The following KCTD16 variants were observed in gnomAD, a reference collection of about 807,000 sequenced individuals.
The protein encoded by KCTD16 is BTB/POZ domain-containing protein KCTD16.
A neutral mutation model predicts 33.2 loss-of-function variants in KCTD16; 13 were observed. The ratio of observed to expected loss-of-function variants is 0.39; its 90% CI spans 0.25 to 0.62. The LOEUF (loss-of-function observed/expected upper bound fraction) is 0.62. Among genes scored for constraint, KCTD16 ranks in the 20% least tolerant of loss-of-function variants. The pLI, the probability that KCTD16 is intolerant of heterozygous loss-of-function variation, is 0.50. For missense variants in KCTD16, 441 were observed against 525.1 expected, an observed-to-expected ratio of 0.84 and a Z score of 1.57; for synonymous variants, 197 against 195.3, an observed-to-expected ratio of 1.01 and a Z score of -0.07.
At chr5:144,343,857 C>T (rs1205588649) in intron 3 of KCTD16, among the ~76,000 whole-genome samples, 1 of 152,162 alleles carries the variant, frequency 6.6e-6, no homozygotes, top group Non-Finnish European at 1.5e-5. Flanking sequence ...CATTCAGGTG[C>T]ATTTGTTTAG....
At chr5:144,190,392 C>T (rs894530749) in intron 2 of KCTD16, among the ~76,000 whole-genome samples, 9 of 152,122 alleles carry the variant, frequency 5.9e-5, no homozygotes, top group African/African-American at 1.7e-4. Context: ...TCTCTCCTTC[C>T]GTTCTCTCTC....
intron 3 of KCTD16, among the ~76,000 whole-genome samples, chr5:144,212,738 C>T (rs1383213796): frequency 3.3e-5 from 5 of 152,166 alleles, no homozygotes; most frequent in Non-Finnish European, 5.9e-5. Context: ...TCTTTTGCCT[C>T]TGCGATGGCT....
chr5:144,326,986 C>A (rs1752222946), intron 3 of KCTD16, among the ~76,000 whole-genome samples: 1 of 152,026 alleles, frequency 6.6e-6, no homozygotes, highest in South Asian at 2.1e-4. Flanking sequence ...GAGGAAATTG[C>A]AGAGTTTTGA....
chr5:144,432,860 ACAC>A (rs1313007045), intron 3 of KCTD16, among the ~76,000 whole-genome samples: 4 of 152,270 alleles, frequency 2.6e-5, no homozygotes, highest in Admixed American at 6.5e-5. Flanking sequence ...GCATACACAC[ACAC>A]AACATATTTT....
intron 3 of KCTD16, among the ~76,000 whole-genome samples, chr5:144,347,370 G>C (rs1752829968): frequency 6.6e-6 from 1 of 152,182 alleles, no homozygotes; most frequent in Non-Finnish European, 1.5e-5. Context: ...TGAGTCGGGA[G>C]GATCACCTGA....
intron 2 of KCTD16, among the ~76,000 whole-genome samples, chr5:144,183,299 A>C (rs991980262): frequency 6.6e-6 from 1 of 152,166 alleles, no homozygotes; most frequent in African/African-American, 2.4e-5. Context: ...TCTCAAAATA[A>C]AATAATTTAC....
chr5:144,324,370 T>C (rs1752150048), intron 3 of KCTD16, among the ~76,000 whole-genome samples: 1 of 152,104 alleles, frequency 6.6e-6, no homozygotes, highest in Non-Finnish European at 1.5e-5. Flanking sequence ...TATCTTTGTC[T>C]GTGAGATACC....
intron 3 of KCTD16, among the ~76,000 whole-genome samples, chr5:144,260,765 T>C (rs1012429611): frequency 1.1e-4 from 16 of 152,212 alleles, no homozygotes; most frequent in African/African-American, 3.9e-4. Context: ...TTGTTTGTTT[T>C]TTTAAAGCTT....
intron 3 of KCTD16, among the ~76,000 whole-genome samples, chr5:144,348,990 G>A (rs1409783147): frequency 6.6e-6 from 1 of 152,036 alleles, no homozygotes; most frequent in Non-Finnish European, 1.5e-5. Context: ...GTGTAGGTGA[G>A]GGCTTCTCAG....
intron 3 of KCTD16, among the ~76,000 whole-genome samples, chr5:144,212,129 G>C (rs144257847): frequency 0.012 from 1,893 of 152,172 alleles, 24 homozygotes; most frequent in Middle Eastern, 0.037. Flanking sequence ...TAAGTATAAG[G>C]CTTCATTATG....
chr5:144,201,725 T>C (rs1435374592), intron 2 of KCTD16, among the ~76,000 whole-genome samples: 1 of 152,226 alleles, frequency 6.6e-6, no homozygotes, highest in Non-Finnish European at 1.5e-5. Flanking sequence ...AACGACTGAC[T>C]GTGGTGAGGA....
At chr5:144,454,119 T>C (rs1319888906) in intron 3 of KCTD16, among the ~76,000 whole-genome samples, 3 of 152,188 alleles carry the variant, frequency 2.0e-5, no homozygotes, top group Non-Finnish European at 2.9e-5. Context: ...TCAACAGTCT[T>C]TAAGCACATA....
At chr5:144,296,182 A>T (rs933613296) in intron 3 of KCTD16, among the ~76,000 whole-genome samples, 1 of 152,006 alleles carries the variant, frequency 6.6e-6, no homozygotes, top group South Asian at 2.1e-4. Flanking sequence ...TTGGAGGCAA[A>T]AGTGCACTCA....
At chr5:144,222,931 G>T (rs936112349) in intron 3 of KCTD16, among the ~76,000 whole-genome samples, 2 of 152,178 alleles carry the variant, frequency 1.3e-5, no homozygotes, top group African/African-American at 4.8e-5. Flanking sequence ...AGAAAATGGG[G>T]CACATATACA....
chr5:144,372,243 T>C (rs549842185), intron 3 of KCTD16, among the ~76,000 whole-genome samples: 1 of 151,916 alleles, frequency 6.6e-6, no homozygotes, highest in Admixed American at 6.6e-5. Context: ...ATAACAGTGG[T>C]ACCCATCTTA....
At chr5:144,275,516 T>A (rs1024451767) in intron 3 of KCTD16, among the ~76,000 whole-genome samples, 3 of 152,302 alleles carry the variant, frequency 2.0e-5, no homozygotes, top group African/African-American at 7.2e-5. Flanking sequence ...TCTCTAAAAC[T>A]GTATTGTTAC....
intron 3 of KCTD16, among the ~76,000 whole-genome samples, chr5:144,358,396 A>G (rs965030905): frequency 1.4e-4 from 21 of 152,324 alleles, no homozygotes; most frequent in Non-Finnish European, 2.5e-4. Flanking sequence ...AATTGAGGAA[A>G]TGCCACCAAC....
chr5:144,457,990 G>A (rs1034225045), intron 3 of KCTD16, among the ~76,000 whole-genome samples: 2 of 152,124 alleles, frequency 1.3e-5, no homozygotes, highest in Non-Finnish European at 2.9e-5. Flanking sequence ...TCTGACACAC[G>A]GGGTAGTCAG....
intron 1 of KCTD16, among the ~76,000 whole-genome samples, chr5:144,171,287 G>A (rs1009789826): frequency 6.6e-6 from 1 of 152,156 alleles, no homozygotes; most frequent in South Asian, 2.1e-4. Context: ...GCCACTATAA[G>A]AGGGTTATCA....
Sources: allele counts gnomAD v4.1 joint callset (sites outside exome capture counted in the v4.1 genomes callset), GRCh38; gene constraint gnomAD v4.1.1; transcripts MANE v1.5; gene names NCBI Gene and HGNC (gene_info 2026-07-23, HGNC 2026-07-21).